The following ITPR2 variants were observed in gnomAD, a reference collection of about 807,000 sequenced individuals.
ITPR2 encodes the protein inositol 1,4,5-trisphosphate-gated calcium channel ITPR2.
Under a neutral mutation model 317.1 loss-of-function variants are expected in ITPR2, and 207 were observed. That is an observed-to-expected ratio of 0.65 (90% CI 0.58 to 0.73). ITPR2 has a LOEUF of 0.73. Among genes scored for constraint, ITPR2 ranks in the 30% least tolerant of loss-of-function variants. ITPR2 has a pLI of 0.00. For missense variants in ITPR2, 2,613 were observed against 3,284.0 expected (o/e 0.80, Z 4.99); for synonymous variants, 1,156 against 1,149.1 (o/e 1.01, Z -0.12).
chr12:26,484,668 C>T (rs1245731391), intron 41 of ITPR2, among the ~76,000 whole-genome samples: 6 of 151,944 alleles, frequency 3.9e-5, no homozygotes, highest in Non-Finnish European at 7.4e-5. Context: ...GACTAATAAC[C>T]GAAATTACTA....
At chr12:26,553,857 A>T (rs1944593080) in intron 36 of ITPR2, among the ~76,000 whole-genome samples, 1 of 152,142 alleles carries the variant, frequency 6.6e-6, no homozygotes, top group East Asian at 1.9e-4. Context: ...TACAAAGGAA[A>T]CCCTTAGTTC....
intron 26 of ITPR2, among the ~76,000 whole-genome samples, chr12:26,607,745 G>C (rs544367837): frequency 2.0e-5 from 3 of 152,038 alleles, no homozygotes; most frequent in Non-Finnish European, 4.4e-5. Context: ...ATCCATAACC[G>C]TACCCCAAAC....
At chr12:26,757,908 A>G (rs1181951358) in intron 2 of ITPR2, among the ~76,000 whole-genome samples, 2 of 152,244 alleles carry the variant, frequency 1.3e-5, no homozygotes, top group Non-Finnish European at 1.5e-5. Flanking sequence ...AAGATGGGAA[A>G]GTAAGGGTGG....
intron 1 of ITPR2, among the ~76,000 whole-genome samples, chr12:26,794,443 T>C (rs889860298): frequency 7.9e-5 from 12 of 152,234 alleles, no homozygotes; most frequent in African/African-American, 2.9e-4. Flanking sequence ...TTGCTGTCCA[T>C]GTCCAGAAAT....
chr12:26,402,915 G>A (rs1940226548), intron 52 of ITPR2, among the ~76,000 whole-genome samples: 1 of 152,182 alleles, frequency 6.6e-6, no homozygotes. Flanking sequence ...TGGACGAGGT[G>A]CTAGGAATAT....
At chr12:26,509,325 T>C (rs1264153331) in intron 37 of ITPR2, among the ~76,000 whole-genome samples, 2 of 152,226 alleles carry the variant, frequency 1.3e-5, no homozygotes, top group Admixed American at 6.5e-5. Flanking sequence ...GCAGTATTGG[T>C]TGTAAATCTG....
intron 39 of ITPR2, among the ~76,000 whole-genome samples, chr12:26,492,917 GTGTATA>G (rs1349705483): frequency 8.7e-5 from 10 of 115,486 alleles, no homozygotes; most frequent in Non-Finnish European, 1.6e-4. Context: ...ATGTGTGTGT[GTGTATA>G]TATATATATA....
rs188584664 is a variant in ITPR2 at position 26,809,572 on chromosome 12, T to G, written c.93-19345A>C. On this transcript the variant is annotated intron_variant, in intron 1 of 56. Transcript: ENST00000381340. ...CAATTCTCCCCAAGTGTGTATGACCTTCTATCCATATCTGCCTTTCTCACT... is the reference window on the plus strand; with the variant it reads ...CAATTCTCCCCAAGTGTGTATGACCGTCTATCCATATCTGCCTTTCTCACT... 3.0e-3 allele frequency among the ~76,000 whole-genome samples: 451 copies of G among 152,348 alleles called. 2 individuals are homozygous for G. Among genetic ancestry groups the G allele is most frequent in the African/African-American group, 0.01 (428 of 41,588 alleles).
At chr12:26,395,735 C>G (rs1939977518) in intron 54 of ITPR2, among the ~76,000 whole-genome samples, 1 of 152,154 alleles carries the variant, frequency 6.6e-6, no homozygotes, top group Non-Finnish European at 1.5e-5. Flanking sequence ...ACCCTTCCAC[C>G]AGGATCTGTT....
At chr12:26,747,986 T>G (rs140439792) in intron 2 of ITPR2, among the ~76,000 whole-genome samples, 105 of 152,308 alleles carry the variant, frequency 6.9e-4, no homozygotes, top group Non-Finnish European at 1.1e-3. Flanking sequence ...CTTCCACCAA[T>G]GCAAGTCCCT....
chr12:26,559,704 T>C (rs570488241), intron 35 of ITPR2, among the ~76,000 whole-genome samples: 3 of 152,320 alleles, frequency 2.0e-5, no homozygotes, highest in Non-Finnish European at 2.9e-5. Flanking sequence ...CTTCCTTTAC[T>C]CACTAAACTC....
chr12:26,799,712 T>G (rs925672382), intron 1 of ITPR2, among the ~76,000 whole-genome samples: 3 of 152,236 alleles, frequency 2.0e-5, no homozygotes, highest in Non-Finnish European at 4.4e-5. Context: ...CCCTGCCTCC[T>G]CAACCTCTTT....
At chr12:26,721,404 T>C in intron 5 of ITPR2, 1 of 506,694 alleles carries the variant, frequency 2.0e-6, no homozygotes, top group South Asian at 2.9e-5. Flanking sequence ...ATAAAGACAT[T>C]CCTAAGACAA....
intron 37 of ITPR2, among the ~76,000 whole-genome samples, chr12:26,549,080 G>A (rs541933281): frequency 6.6e-6 from 1 of 152,242 alleles, no homozygotes; most frequent in South Asian, 2.1e-4. Flanking sequence ...TGGTACTTCA[G>A]TCAATATCCC....
At chr12:26,659,938 C>G (rs1419516635) in intron 15 of ITPR2, among the ~76,000 whole-genome samples, 1 of 152,150 alleles carries the variant, frequency 6.6e-6, no homozygotes, top group Non-Finnish European at 1.5e-5. Context: ...TAAAAAGCCA[C>G]CAAACAGGGC....
chr12:26,514,132 G>C (rs918008453), intron 37 of ITPR2, among the ~76,000 whole-genome samples: 1 of 152,174 alleles, frequency 6.6e-6, no homozygotes, highest in Non-Finnish European at 1.5e-5. Context: ...TGGAAGAAGA[G>C]TGAGCTAAAT....
At chr12:26,602,240 G>T in intron 28 of ITPR2, 130 bp downstream of exon 28, 1 of 870,538 alleles carries the variant, frequency 1.1e-6, no homozygotes, top group Non-Finnish European at 1.7e-6. Flanking sequence ...AGGGCTCAGG[G>T]GTGATGGGGC....
At chr12:26,527,678 G>A (rs1312427765) in intron 37 of ITPR2, among the ~76,000 whole-genome samples, 1 of 152,164 alleles carries the variant, frequency 6.6e-6, no homozygotes, top group Non-Finnish European at 1.5e-5. Flanking sequence ...CTAATGGTTT[G>A]TTATTCATCA....
At chr12:26,766,836 C>G (rs1185475179) in intron 2 of ITPR2, among the ~76,000 whole-genome samples, 1 of 151,912 alleles carries the variant, frequency 6.6e-6, no homozygotes, top group African/African-American at 2.4e-5. Flanking sequence ...TTCCTATATT[C>G]TAAAGAGAGA....
Sources: gnomAD v4.1 joint callset for allele counts (sites outside exome capture counted in the v4.1 genomes callset) on GRCh38, gnomAD v4.1.1 for gene constraint, MANE v1.5 for transcripts, NCBI Gene and HGNC (gene_info 2026-07-23, HGNC 2026-07-21) for gene names.